Variants in ARB2A observed in about 807,000 individuals in gnomAD.
The protein encoded by ARB2A is cotranscriptional regulator ARB2A.
At chr5:93,761,835 C>A in the ARB2A span, among the ~76,000 whole-genome samples, 1 of 152,174 alleles carries the variant, frequency 6.6e-6, no homozygotes, top group South Asian at 2.1e-4. Context: ...CCTCACACGG[C>A]CAGGTACTCC....
chr5:93,795,400 G>A, the ARB2A span, among the ~76,000 whole-genome samples: 2 of 152,120 alleles, frequency 1.3e-5, no homozygotes, highest in Admixed American at 6.5e-5. Context: ...GAGAAGGCAC[G>A]CAGACTCACA....
the ARB2A span, among the ~76,000 whole-genome samples, chr5:93,851,475 T>C: frequency 6.6e-6 from 1 of 152,226 alleles, no homozygotes; most frequent in Non-Finnish European, 1.5e-5. Context: ...TATTATACTT[T>C]AAGTTTTAGG....
At chr5:93,982,507 T>C in the ARB2A span, among the ~76,000 whole-genome samples, 1 of 152,318 alleles carries the variant, frequency 6.6e-6, no homozygotes, top group South Asian at 2.1e-4. Context: ...GGCAGGTGTG[T>C]GCATGTGCAT....
the ARB2A span, among the ~76,000 whole-genome samples, chr5:94,030,073 G>C: frequency 4.6e-5 from 7 of 152,082 alleles, no homozygotes; most frequent in Non-Finnish European, 1.5e-5. Context: ...AGAAAAACTT[G>C]CCCTCATGAT....
the ARB2A span, among the ~76,000 whole-genome samples, chr5:94,037,392 T>TA: frequency 6.6e-6 from 1 of 152,122 alleles, no homozygotes; most frequent in South Asian, 2.1e-4. Flanking sequence ...TTGATGTCAG[T>TA]AATAATAAGT....
At chr5:93,959,012 C>A in the ARB2A span, 3 of 1,273,492 alleles carry the variant, frequency 2.4e-6, no homozygotes, top group Non-Finnish European at 3.1e-6. Context: ...GTCTTCTGAT[C>A]AGGCATACAC....
the ARB2A span, among the ~76,000 whole-genome samples, chr5:93,922,825 T>C: frequency 6.6e-6 from 1 of 152,110 alleles, no homozygotes; most frequent in South Asian, 2.1e-4. Context: ...GCTTTCCAAT[T>C]ATTCAAGACT....
chr5:94,092,967 T>C, the ARB2A span, among the ~76,000 whole-genome samples: 1 of 152,202 alleles, frequency 6.6e-6, no homozygotes, highest in African/African-American at 2.4e-5. Context: ...ATATTTTCAA[T>C]TGAACTCTTT....
the ARB2A span, among the ~76,000 whole-genome samples, chr5:93,795,646 T>G: frequency 6.6e-6 from 1 of 152,070 alleles, no homozygotes; most frequent in Admixed American, 6.6e-5. Context: ...CTGCTAACAC[T>G]CCATTGTCTT....
the ARB2A span, among the ~76,000 whole-genome samples, chr5:94,097,707 G>A: frequency 1.8e-4 from 27 of 152,046 alleles, no homozygotes; most frequent in African/African-American, 6.5e-4. Context: ...TCTCAGGTAT[G>A]TCTTTATCAG....
the ARB2A span, among the ~76,000 whole-genome samples, chr5:93,960,094 C>A: frequency 5.6e-5 from 8 of 141,736 alleles, no homozygotes; most frequent in Admixed American, 1.4e-4. Flanking sequence ...CCCCCCCCCC[C>A]CAAAAAAAGC....
At chr5:93,651,691 T>G in the ARB2A span, among the ~76,000 whole-genome samples, 1 of 152,160 alleles carries the variant, frequency 6.6e-6, no homozygotes, top group Non-Finnish European at 1.5e-5. Context: ...GTTATTTTAT[T>G]TAAAAAATAA....
the ARB2A span, among the ~76,000 whole-genome samples, chr5:93,873,927 G>T: frequency 6.6e-6 from 1 of 152,148 alleles, no homozygotes; most frequent in African/African-American, 2.4e-5. Context: ...CAGAAAGGAT[G>T]AATTCTACTT....
At chr5:93,671,319 G>A in the ARB2A span, among the ~76,000 whole-genome samples, 2 of 152,034 alleles carry the variant, frequency 1.3e-5, no homozygotes, top group Non-Finnish European at 2.9e-5. Context: ...AAGAAGCACA[G>A]TATAAAATCC....
the ARB2A span, among the ~76,000 whole-genome samples, chr5:93,759,080 C>A: frequency 6.6e-6 from 1 of 152,028 alleles, no homozygotes. Flanking sequence ...CAACTGACAC[C>A]ACTGAAATAC....
At chr5:93,960,677 A>G in the ARB2A span, among the ~76,000 whole-genome samples, 3 of 152,218 alleles carry the variant, frequency 2.0e-5, no homozygotes, top group African/African-American at 7.2e-5. Context: ...TGGATCCTCT[A>G]AAATGGTTAT....
the ARB2A span, among the ~76,000 whole-genome samples, chr5:93,947,720 T>C: frequency 1.5e-5 from 2 of 131,854 alleles, no homozygotes; most frequent in African/African-American, 2.9e-5. Flanking sequence ...CCTGTGTCCA[T>C]GTGTTCTCAT....
the ARB2A span, among the ~76,000 whole-genome samples, chr5:94,093,482 G>C: frequency 6.6e-6 from 1 of 152,092 alleles, no homozygotes; most frequent in Non-Finnish European, 1.5e-5. Context: ...TGTCTCTTCT[G>C]ATAAGGACAC....
At chr5:93,847,036 GT>G in the ARB2A span, among the ~76,000 whole-genome samples, 2 of 152,134 alleles carry the variant, frequency 1.3e-5, no homozygotes, top group South Asian at 4.1e-4. Flanking sequence ...TTAAGTTTAC[GT>G]AATATTTGTA....
Sources: gnomAD v4.1 joint callset for allele counts (sites outside exome capture counted in the v4.1 genomes callset) on GRCh38, gnomAD v4.1.1 for gene constraint, MANE v1.5 for transcripts, NCBI Gene and HGNC (gene_info 2026-07-23, HGNC 2026-07-21) for gene names.